The following EDRF1 variants were observed in gnomAD, a reference collection of about 807,000 sequenced individuals.
The protein encoded by EDRF1 is erythroid differentiation regulatory factor 1, also known as erythroid differentiation-related factor 1.
EDRF1 carries 69 observed loss-of-function variants against 148.7 expected under a neutral mutation model. The observed-to-expected ratio is 0.46, with a 90% CI of 0.38 to 0.57. The LOEUF (loss-of-function observed/expected upper bound fraction) is 0.57, where lower values mean the gene tolerates loss of function less well. EDRF1 is among the 20% of genes least tolerant of loss of function. The pLI is 0.00. For synonymous variants in EDRF1, 515 were observed against 532.8 expected (o/e 0.97, Z 0.46); for missense variants, 1,118 against 1,478.7 (o/e 0.76, Z 4.00).
chr10:125,763,699 T>C lies in EDRF1; in HGVS notation c.*227T>C, dbSNP rs1850287446. On this transcript the variant is annotated 3_prime_UTR_variant, in exon 25 of 25. Coordinates refer to ENST00000356792, the MANE Select transcript of EDRF1 (RefSeq NM_001202438.2). The surrounding 1 kb of genome is among the most constrained non-coding windows in gnomAD (Gnocchi z 4.3). The stretch of plus-strand genomic sequence containing the variant: ...TCAAACTTAAAGCTTCCACTATTTA[T>C]GTCTTTGAGAAGTATGTAGTACCTC... 3.4e-6 allele frequency: 2 copies of C among 586,540 alleles called. No homozygotes were observed. The highest frequency in any genetic ancestry group is 4.0e-5 in the South Asian group (2 of 49,956). 36.3% of individuals were successfully genotyped at this position (586,540 alleles called of 1,614,324 possible).
chr10:125,720,345 A>G (rs904785258), intron 1 of EDRF1, among the ~76,000 whole-genome samples: 2 of 152,210 alleles, frequency 1.3e-5, no homozygotes, highest in Non-Finnish European at 2.9e-5. Flanking sequence ...GTGCAAGTGC[A>G]GGCTGTGAGG....
At chr10:125,722,467 G>A (rs937789775) in intron 2 of EDRF1, among the ~76,000 whole-genome samples, 1 of 152,214 alleles carries the variant, frequency 6.6e-6, no homozygotes, top group African/African-American at 2.4e-5. Context: ...CTGCCATTTA[G>A]TAGTTGGAAC....
At chr10:125,759,100 G>A (rs560426039) in intron 24 of EDRF1, among the ~76,000 whole-genome samples, 2 of 152,202 alleles carry the variant, frequency 1.3e-5, no homozygotes, top group Admixed American at 6.5e-5. Context: ...ACAGCAGGAG[G>A]GTCAGTCTGT....
intron 8 of EDRF1, among the ~76,000 whole-genome samples, 200 bp downstream of exon 8, chr10:125,729,679 C>G (rs1848411832): frequency 6.6e-6 from 1 of 152,240 alleles, no homozygotes; most frequent in South Asian, 2.1e-4. Flanking sequence ...GGTTTTTTCC[C>G]CTCCCTCCTT....
intron 2 of EDRF1, among the ~76,000 whole-genome samples, chr10:125,721,617 C>T (rs1338622044): frequency 6.6e-6 from 1 of 152,192 alleles, no homozygotes; most frequent in Non-Finnish European, 1.5e-5. Flanking sequence ...ATTGCATATG[C>T]TTCTTTTAAG....
chr10:125,741,479 G>A (rs994498888), intron 17 of EDRF1: 5 of 421,626 alleles, frequency 1.2e-5, no homozygotes, highest in Non-Finnish European at 9.2e-6. Context: ...CACCATGCCC[G>A]GCTAGCCCAC....
rs1849078321 is a variant in EDRF1, at chr10:125,742,465, G to A, written c.2372-593G>A. 4.8e-6 allele frequency: 5 copies of A among 1,031,888 alleles called. No homozygotes were observed. In the South Asian group the frequency reaches 1.3e-4, roughly 28 times the overall value. 63.9% of individuals were successfully genotyped at this position (1,031,888 alleles called of 1,614,324 possible). On this transcript the variant is annotated intron_variant, in intron 17 of 24. Coordinates refer to ENST00000356792, the MANE Select transcript of EDRF1 (RefSeq NM_001202438.2). ...TTCATAGCTAGAGGAGTATACTGGG[G>A]GAGAGGGAAAAATGTGTTATTTTGT...
chr10:125,720,051 G>A lies in EDRF1; in HGVS notation c.108+136G>A, dbSNP rs1847909032. The A allele has an allele frequency of 1.8e-5, 13 of 726,122 alleles. 1 individual carries two copies. The South Asian group carries it at 2.1e-4, about 12-fold the overall frequency. 45.0% of individuals were successfully genotyped at this position (726,122 alleles called of 1,614,324 possible). A position where few individuals can be genotyped will look rare whatever the true frequency, so the allele number is the denominator to read the frequency against. ...CCTGACACCCCCAAAACAGGGAGTT[G>A]AAGTCCATGCTCCAGTCGGCAGGTA... On this transcript the variant is annotated intron_variant, in intron 1 of 24. Transcript: ENST00000356792.
At chr10:125,720,921 T>A (rs937471993) in intron 1 of EDRF1, among the ~76,000 whole-genome samples, 1 of 152,198 alleles carries the variant, frequency 6.6e-6, no homozygotes, top group African/African-American at 2.4e-5. Flanking sequence ...TTTCTGCTTC[T>A]CCACTTTACA....
chr10:125,748,074 T>C, intron 21 of EDRF1, 62 bp downstream of exon 21: 1 of 1,594,700 alleles, frequency 6.3e-7, no homozygotes, highest in African/African-American at 1.3e-5. Context: ...GGGTGCTTTT[T>C]GTTTTTTTAA....
At chr10:125,728,191 C>CAAA (rs36039615) in intron 6 of EDRF1, among the ~76,000 whole-genome samples, 3 of 128,896 alleles carry the variant, frequency 2.3e-5, no homozygotes, top group Admixed American at 7.9e-5. Flanking sequence ...AACTCTGTCT[C>CAAA]AAAAAAAAAA....
chr10:125,728,854 G>T, intron 6 of EDRF1, 149 bp from the exon 7 acceptor site: 1 of 607,270 alleles, frequency 1.6e-6, no homozygotes, highest in Non-Finnish European at 2.8e-6. Flanking sequence ...GCCACCCAAT[G>T]AGGCGTGTTA....
At chr10:125,738,829 G>A (rs1832543930) in intron 15 of EDRF1, among the ~76,000 whole-genome samples, 1 of 152,140 alleles carries the variant, frequency 6.6e-6, no homozygotes, top group Non-Finnish European at 1.5e-5. Flanking sequence ...TCAAAATGGA[G>A]ACGATAATAA....
chr10:125,748,205 T>C (rs11244632), intron 21 of EDRF1, 193 bp downstream of exon 21: 218,374 of 674,264 alleles, frequency 0.32, 37,249 homozygotes, highest in East Asian at 0.47. Flanking sequence ...TTGTGCTCCA[T>C]GTTGAGCATG....
intron 9 of EDRF1, chr10:125,732,054 C>G (rs1190950620): frequency 7.6e-6 from 2 of 264,802 alleles, no homozygotes; most frequent in Non-Finnish European, 1.7e-5. Flanking sequence ...GCATCAGAAT[C>G]ACTTGTGGTC....
intron 24 of EDRF1, among the ~76,000 whole-genome samples, chr10:125,759,513 A>G (rs1213727013): frequency 1.3e-5 from 2 of 152,108 alleles, no homozygotes; most frequent in African/African-American, 4.8e-5. Flanking sequence ...CTGTGATCCC[A>G]GCTATTTGGG....
chr10:125,754,652 GT>G (rs1849809598), intron 24 of EDRF1, among the ~76,000 whole-genome samples: 1 of 152,158 alleles, frequency 6.6e-6, no homozygotes. Flanking sequence ...TTTTGTCAAA[GT>G]TTGTTATTTT....
intron 18 of EDRF1, among the ~76,000 whole-genome samples, chr10:125,745,043 A>G (rs992927140): frequency 6.6e-6 from 1 of 152,246 alleles, no homozygotes; most frequent in African/African-American, 2.4e-5. Flanking sequence ...CAGTCATCTG[A>G]TAACCCAGAC....
intron 24 of EDRF1, among the ~76,000 whole-genome samples, chr10:125,754,547 CAG>C (rs1469937424): frequency 6.6e-6 from 1 of 152,186 alleles, no homozygotes; most frequent in Non-Finnish European, 1.5e-5. Context: ...GAATAGAGGA[CAG>C]AACACAGAAG....
Sources: gnomAD v4.1 joint callset for allele counts (sites outside exome capture counted in the v4.1 genomes callset) on GRCh38, gnomAD v4.1.1 for gene constraint, Gnocchi (gnomAD v3.1) non-coding constraint, MANE v1.5 for transcripts, NCBI Gene and HGNC (gene_info 2026-07-23, HGNC 2026-07-21) for gene names.